The following FOXP1 variants were observed in gnomAD, a reference collection of about 807,000 sequenced individuals.
FOXP1 encodes forkhead box P1, also known as forkhead box protein P1.
In FOXP1, 15 loss-of-function variants were observed where a neutral mutation model predicts 98.2. The ratio of observed to expected loss-of-function variants is 0.15; its 90% CI spans 0.10 to 0.24. The LOEUF is 0.24. Among genes scored for constraint, FOXP1 ranks in the 10% least tolerant of loss-of-function variants. The probability of loss-of-function intolerance (pLI) is 1.00; values close to 1 mark genes in which losing one functional copy is unlikely to be tolerated. For missense variants in FOXP1, 633 were observed against 848.5 expected (o/e 0.75, Z 3.15); for synonymous variants, 371 against 314.5 (o/e 1.18, Z -1.90).
intron 5 of FOXP1, among the ~76,000 whole-genome samples, chr3:71,211,162 C>T (rs1275745161): frequency 6.6e-6 from 1 of 152,086 alleles, no homozygotes; most frequent in East Asian, 1.9e-4. Flanking sequence ...TTCCTCTTCC[C>T]CAGCAGTGGT....
At position 70,957,182 on chromosome 3, in the gene FOXP1, C is replaced by T. The variant is rs188387041; in HGVS notation, c.*2065G>A. On this transcript the variant is annotated 3_prime_UTR_variant, in exon 21 of 21. Coordinates refer to ENST00000649528, the MANE Select transcript of FOXP1 (RefSeq NM_001349338.3). ...TTTTTTTTGAGATGGGACTCCCTTCCTTCTGTAGCTCCTTTAATATTGTGT... is the reference window on the plus strand; with the variant it reads ...TTTTTTTTGAGATGGGACTCCCTTCTTTCTGTAGCTCCTTTAATATTGTGT... The T allele has an allele frequency of 1.4e-4, 32 of 223,868 alleles. No homozygotes were observed. Among genetic ancestry groups the T allele is most frequent in the African/African-American group, 6.9e-4 (31 of 44,936 alleles). The allele number at this position is 223,868 out of a possible 1,614,324, so 13.9% of individuals were successfully genotyped here.
intron 10 of FOXP1, among the ~76,000 whole-genome samples, chr3:71,044,227 T>C (rs1024485069): frequency 3.3e-5 from 5 of 152,332 alleles, no homozygotes; most frequent in Non-Finnish European, 7.4e-5. Flanking sequence ...AAGTATGTAT[T>C]TCTTCCAAAA....
chr3:71,198,900 G>A (rs2063481186), intron 5 of FOXP1, among the ~76,000 whole-genome samples: 1 of 151,830 alleles, frequency 6.6e-6, no homozygotes. Context: ...GTTTCACCAT[G>A]TTGGTTAGGC....
At chr3:71,101,620 G>C (rs1008734708) in intron 7 of FOXP1, among the ~76,000 whole-genome samples, 7 of 147,724 alleles carry the variant, frequency 4.7e-5, no homozygotes, top group Non-Finnish European at 8.9e-5. Flanking sequence ...TCAAGAAAAT[G>C]ATGAGGAGAA....
At chr3:71,538,847 G>C (rs1183855897) in intron 2 of FOXP1, among the ~76,000 whole-genome samples, 1 of 152,124 alleles carries the variant, frequency 6.6e-6, no homozygotes, top group Admixed American at 6.6e-5. Flanking sequence ...TCTTCGATGT[G>C]TATGTTGTAA....
At chr3:71,023,666 A>G (rs1324524315) in intron 11 of FOXP1, among the ~76,000 whole-genome samples, 1 of 152,116 alleles carries the variant, frequency 6.6e-6, no homozygotes. Flanking sequence ...TTTCAATGAG[A>G]TTGTACCGAA....
chr3:71,578,636 A>C (rs1400039491), intron 2 of FOXP1, among the ~76,000 whole-genome samples: 1 of 152,234 alleles, frequency 6.6e-6, no homozygotes, highest in Non-Finnish European at 1.5e-5. Flanking sequence ...AAGTTGTCAC[A>C]TCTGCTATAT....
At chr3:71,252,049 A>G (rs1337578045) in intron 5 of FOXP1, among the ~76,000 whole-genome samples, 4 of 152,184 alleles carry the variant, frequency 2.6e-5, no homozygotes. Flanking sequence ...GCCAAAAGAT[A>G]TAAGGGGAAG....
At chr3:71,155,263 T>G (rs1038001986) in intron 6 of FOXP1, among the ~76,000 whole-genome samples, 1 of 152,220 alleles carries the variant, frequency 6.6e-6, no homozygotes, top group Non-Finnish European at 1.5e-5. Context: ...GGGTGCCCTC[T>G]GAAACACAAT....
intron 5 of FOXP1, among the ~76,000 whole-genome samples, chr3:71,201,831 G>C (rs2063695475): frequency 6.6e-6 from 1 of 151,748 alleles, no homozygotes; most frequent in South Asian, 2.1e-4. Context: ...TTTCCTTCTG[G>C]GAATACCTTC....
intron 3 of FOXP1, among the ~76,000 whole-genome samples, chr3:71,408,147 C>G (rs967718964): frequency 6.6e-6 from 1 of 152,172 alleles, no homozygotes; most frequent in African/African-American, 2.4e-5. Flanking sequence ...TTATCAGAAC[C>G]TTTCTTCAGG....
intron 7 of FOXP1, among the ~76,000 whole-genome samples, chr3:71,093,133 C>T (rs567188101): frequency 4.0e-5 from 6 of 151,772 alleles, no homozygotes; most frequent in East Asian, 3.9e-4. Context: ...TAGTGGCACA[C>T]GCCTCAGCTA....
intron 7 of FOXP1, among the ~76,000 whole-genome samples, chr3:71,054,425 A>G (rs1013163730): frequency 1.3e-5 from 2 of 152,246 alleles, no homozygotes; most frequent in African/African-American, 4.8e-5. Flanking sequence ...TGAACTTGAT[A>G]GCATTTCATA....
intron 6 of FOXP1, among the ~76,000 whole-genome samples, chr3:71,172,177 A>G (rs1231152066): frequency 6.6e-6 from 1 of 152,124 alleles, no homozygotes; most frequent in Non-Finnish European, 1.5e-5. Flanking sequence ...TTTTAATACA[A>G]GAAAATTCAC....
At chr3:71,461,164 A>T (rs1199530528) in intron 3 of FOXP1, among the ~76,000 whole-genome samples, 1 of 152,188 alleles carries the variant, frequency 6.6e-6, no homozygotes, top group Non-Finnish European at 1.5e-5. Flanking sequence ...ATGGTGCCTA[A>T]AAGTTATAAA....
intron 5 of FOXP1, among the ~76,000 whole-genome samples, chr3:71,231,386 A>C (rs1216999612): frequency 6.6e-6 from 1 of 152,234 alleles, no homozygotes; most frequent in Admixed American, 6.5e-5. Flanking sequence ...AAAAACATGA[A>C]TTCTGATGCT....
chr3:71,360,504 A>C (rs994237398), intron 3 of FOXP1: 1 of 152,208 alleles, frequency 6.6e-6, no homozygotes. Context: ...AGTAAGTTGA[A>C]GTTGCTGACA....
chr3:71,217,598 G>A (rs1291038748), intron 5 of FOXP1, among the ~76,000 whole-genome samples: 1 of 152,090 alleles, frequency 6.6e-6, no homozygotes, highest in Admixed American at 6.6e-5. Flanking sequence ...TCAAGAGGCT[G>A]GGAGTGGAGA....
chr3:71,112,973 A>G (rs2058063480), intron 6 of FOXP1, among the ~76,000 whole-genome samples: 3 of 152,162 alleles, frequency 2.0e-5, no homozygotes, highest in African/African-American at 7.2e-5. Context: ...CCAAGCAAAG[A>G]CGAAAACTTG....
Sources: gnomAD v4.1 joint callset for allele counts (sites outside exome capture counted in the v4.1 genomes callset) on GRCh38, gnomAD v4.1.1 for gene constraint, MANE v1.5 for transcripts, NCBI Gene and HGNC (gene_info 2026-07-23, HGNC 2026-07-21) for gene names.